The following GALNTL6 variants were observed in gnomAD, a reference collection of about 807,000 sequenced individuals.
The protein encoded by GALNTL6 is polypeptide N-acetylgalactosaminyltransferase like 6, also known as polypeptide N-acetylgalactosaminyltransferase-like 6.
GALNTL6 carries 46 observed loss-of-function variants against 73.7 expected under a neutral mutation model. That is an observed-to-expected ratio of 0.62 (90% CI 0.49 to 0.80). GALNTL6 has a LOEUF of 0.80. GALNTL6 is among the 30% of genes least tolerant of loss of function. The pLI is 0.00. For missense variants in GALNTL6, 604 were observed against 755.0 expected (o/e 0.80, Z 2.34); for synonymous variants, 259 against 263.7 (o/e 0.98, Z 0.17).
At chr4:171,833,824 T>A (rs1412816837) in intron 2 of GALNTL6, among the ~76,000 whole-genome samples, 1 of 151,828 alleles carries the variant, frequency 6.6e-6, no homozygotes, top group Non-Finnish European at 1.5e-5. Context: ...ATATATATAT[T>A]TTATTTTTCC....
intron 2 of GALNTL6, among the ~76,000 whole-genome samples, chr4:171,998,214 T>C (rs1335844881): frequency 6.6e-6 from 1 of 152,158 alleles, no homozygotes; most frequent in Non-Finnish European, 1.5e-5. Context: ...ATTTAGTCCA[T>C]CTATTAAGTT....
rs550837768 is a variant in GALNTL6 at position 172,454,569 on chromosome 4, G to C, written c.553+105880G>C. 2.6e-5 allele frequency among the ~76,000 whole-genome samples: 4 copies of C among 152,282 alleles called. No homozygotes were observed. The South Asian group carries it at 8.3e-4, about 32-fold the overall frequency. ...CCATCTCCTGTACTTGCAGCCCACT[G>C]GGCAGAATTCTACTAGTTATGGAAA... On this transcript the variant is annotated intron_variant, in intron 5 of 12. Transcript: ENST00000506823.
At position 172,809,791 on chromosome 4, in the gene GALNTL6, G is replaced by T. The variant is rs982719; in HGVS notation, c.739+245G>T. 6.6e-6 allele frequency among the ~76,000 whole-genome samples: 1 copy of T among 152,136 alleles called. No homozygotes were observed. The highest frequency in any genetic ancestry group is 2.4e-5 in the African/African-American group (1 of 41,406). ...CAACTTCAATCTAACTTACAGTTTA[G>T]AAAAGGTTTCATTTATCTTAGATAT... On this transcript the variant is annotated intron_variant, in intron 6 of 12. Transcript: ENST00000506823. This position sits in a 1 kb window ranked among gnomAD's most constrained non-coding sequence, Gnocchi z 4.4.
chr4:172,229,576 A>G lies in GALNTL6; in HGVS notation c.139-80A>G, dbSNP rs1241399831. ...TTTAACAGATATTCTTTGATTGCCTATTATGTGCCCGGCTGTGTTTACCTA... is the reference window on the plus strand; with the variant it reads ...TTTAACAGATATTCTTTGATTGCCTGTTATGTGCCCGGCTGTGTTTACCTA... On this transcript the variant is annotated intron_variant, in intron 2 of 12. Coordinates refer to ENST00000506823, the MANE Select transcript of GALNTL6 (RefSeq NM_001034845.3). The G allele has an allele frequency of 9.3e-6, 7 of 756,132 alleles. No homozygotes were observed. The Admixed American group carries it at 9.3e-5, about 10-fold the overall frequency. The allele number at this position is 756,132 out of a possible 1,614,324, so 46.8% of individuals were successfully genotyped here. A position where few individuals can be genotyped will look rare whatever the true frequency, so the allele number is the denominator to read the frequency against.
At chr4:172,817,813 A>G (rs1234448133) in intron 7 of GALNTL6, among the ~76,000 whole-genome samples, 1 of 152,178 alleles carries the variant, frequency 6.6e-6, no homozygotes, top group Non-Finnish European at 1.5e-5. Flanking sequence ...TAAATTTCCT[A>G]CCTCAAAAGA....
intron 2 of GALNTL6, among the ~76,000 whole-genome samples, chr4:172,202,071 G>A (rs139424888): frequency 1.2e-4 from 19 of 152,270 alleles, no homozygotes; most frequent in Non-Finnish European, 2.5e-4. Flanking sequence ...AAAAGAGTGA[G>A]GCATTAGTGA....
intron 5 of GALNTL6, among the ~76,000 whole-genome samples, chr4:172,758,373 A>G (rs1737872226): frequency 1.3e-5 from 2 of 152,118 alleles, no homozygotes; most frequent in Admixed American, 6.5e-5. Context: ...TGCCTCTACT[A>G]AAAACACAAA....
intron 2 of GALNTL6, among the ~76,000 whole-genome samples, chr4:171,890,838 A>T (rs2110926146): frequency 6.6e-6 from 1 of 152,266 alleles, no homozygotes; most frequent in South Asian, 2.1e-4. Context: ...GTCCCATACA[A>T]TATCAAGTCA....
chr4:172,104,272 G>C (rs1340614276), intron 2 of GALNTL6, among the ~76,000 whole-genome samples: 1 of 152,100 alleles, frequency 6.6e-6, no homozygotes, highest in Non-Finnish European at 1.5e-5. Flanking sequence ...AATTTATTCA[G>C]AGCCATTGGT....
intron 2 of GALNTL6, among the ~76,000 whole-genome samples, chr4:171,956,343 G>T (rs189734742): frequency 4.3e-4 from 65 of 152,152 alleles, no homozygotes; most frequent in African/African-American, 1.5e-3. Flanking sequence ...AAATGATATA[G>T]TATACTCCCT....
chr4:172,959,049 C>G (rs965141579), intron 10 of GALNTL6, among the ~76,000 whole-genome samples: 1 of 152,110 alleles, frequency 6.6e-6, no homozygotes, highest in Non-Finnish European at 1.5e-5. Flanking sequence ...CTTTAAAAGG[C>G]CATGCTGTAG....
intron 7 of GALNTL6, among the ~76,000 whole-genome samples, chr4:172,846,225 T>G (rs1743497908): frequency 6.6e-6 from 1 of 152,184 alleles, no homozygotes; most frequent in Admixed American, 6.5e-5. Context: ...GTCAATGTGT[T>G]TGCAGGCCAA....
At chr4:171,996,165 T>C (rs1370241282) in intron 2 of GALNTL6, among the ~76,000 whole-genome samples, 2 of 152,142 alleles carry the variant, frequency 1.3e-5, no homozygotes, top group Admixed American at 1.3e-4. Flanking sequence ...GATACACATG[T>C]TTATTAGGAA....
At chr4:172,251,422 A>C (rs2111015267) in intron 3 of GALNTL6, among the ~76,000 whole-genome samples, 1 of 152,278 alleles carries the variant, frequency 6.6e-6, no homozygotes, top group African/African-American at 2.4e-5. Flanking sequence ...GGTTCAGCCA[A>C]GTTGACCCAT....
At chr4:171,983,496 ATT>A (rs1229908530) in intron 2 of GALNTL6, among the ~76,000 whole-genome samples, 1 of 149,894 alleles carries the variant, frequency 6.7e-6, no homozygotes, top group East Asian at 1.9e-4. Flanking sequence ...TTATTTATTT[ATT>A]TATTTATTTG....
intron 2 of GALNTL6, among the ~76,000 whole-genome samples, chr4:171,969,901 C>G (rs1011604301): frequency 3.3e-5 from 5 of 151,966 alleles, no homozygotes; most frequent in African/African-American, 1.2e-4. Context: ...TCCCAAATAG[C>G]TGGGATTATA....
At chr4:172,412,203 T>G (rs1744469023) in intron 5 of GALNTL6, among the ~76,000 whole-genome samples, 1 of 152,048 alleles carries the variant, frequency 6.6e-6, no homozygotes, top group African/African-American at 2.4e-5. Context: ...GGCATCACTC[T>G]TGGTTAATTT....
chr4:172,776,043 C>T (rs1369398387), intron 5 of GALNTL6, among the ~76,000 whole-genome samples: 26 of 152,126 alleles, frequency 1.7e-4, no homozygotes, highest in Admixed American at 1.7e-3. Flanking sequence ...CAGCTGATAC[C>T]TTGATTGCAG....
At chr4:172,414,786 T>C (rs1289067529) in intron 5 of GALNTL6, among the ~76,000 whole-genome samples, 1 of 152,200 alleles carries the variant, frequency 6.6e-6, no homozygotes, top group East Asian at 1.9e-4. Flanking sequence ...TTACTCATCA[T>C]ATGGTTTTAT....
Sources: gnomAD v4.1 joint callset for allele counts (sites outside exome capture counted in the v4.1 genomes callset) on GRCh38, gnomAD v4.1.1 for gene constraint, Gnocchi (gnomAD v3.1) non-coding constraint, MANE v1.5 for transcripts, NCBI Gene and HGNC (gene_info 2026-07-23, HGNC 2026-07-21) for gene names.